PARD3B: variants seen among roughly 807,000 people sequenced by gnomAD.
The protein encoded by PARD3B is par-3 family cell polarity regulator beta, also known as partitioning defective 3 homolog B.
A neutral mutation model predicts 130.2 loss-of-function variants in PARD3B; 103 were observed. That is an observed-to-expected ratio of 0.79 (90% confidence interval 0.67 to 0.93). The LOEUF (loss-of-function observed/expected upper bound fraction) is 0.93, where lower values mean the gene tolerates loss of function less well. Among genes scored for constraint, PARD3B ranks in the 40% least tolerant of loss-of-function variants. PARD3B has a pLI of 0.00. For missense variants in PARD3B, 1,609 were observed against 1,499.2 expected, an observed-to-expected ratio of 1.07 and a Z score of -1.21; for synonymous variants, 583 against 553.2, an observed-to-expected ratio of 1.05 and a Z score of -0.76.
chr2:205,123,777 A>G (rs1279463842), intron 8 of PARD3B, among the ~76,000 whole-genome samples: 3 of 151,998 alleles, frequency 2.0e-5, no homozygotes, highest in Non-Finnish European at 4.4e-5. Context: ...AGGATCCTTC[A>G]GGGTAGAGAA....
chr2:205,244,154 AG>A lies in PARD3B; in HGVS notation c.2141-1623del, dbSNP rs561906028. On this transcript the variant is annotated intron_variant, in intron 15 of 22. Coordinates refer to ENST00000406610, the MANE Select transcript of PARD3B (RefSeq NM_001302769.2). The surrounding 1 kb of genome is among the most constrained non-coding windows in gnomAD (Gnocchi z 4.7). ...TATCTAGAAAATAAAGAAATAGCTTAGAAAAGGAGGGCTAGGTGGGAGTGGG... is the reference window on the plus strand; with the variant it reads ...TATCTAGAAAATAAAGAAATAGCTTAAAAAGGAGGGCTAGGTGGGAGTGGG... 4.6e-4 allele frequency among the ~76,000 whole-genome samples: 70 copies of A among 152,354 alleles called. No individual in the cohort carries two copies. The highest frequency in any genetic ancestry group is 7.6e-4 in the Non-Finnish European group (52 of 68,020).
intron 2 of PARD3B, among the ~76,000 whole-genome samples, chr2:204,785,626 T>C (rs988664973): frequency 6.6e-6 from 1 of 152,256 alleles, no homozygotes; most frequent in Non-Finnish European, 1.5e-5. Context: ...CTAGTCCCCT[T>C]ATCTAGGCCA....
At chr2:205,484,967 CCTT>C (rs940225306) in intron 20 of PARD3B, among the ~76,000 whole-genome samples, 2 of 152,130 alleles carry the variant, frequency 1.3e-5, no homozygotes, top group African/African-American at 4.8e-5. Flanking sequence ...GCCTAATTTT[CCTT>C]CTTCTTTGAT....
chr2:204,775,810 A>G (rs1053038243), intron 2 of PARD3B, among the ~76,000 whole-genome samples: 2 of 151,798 alleles, frequency 1.3e-5, no homozygotes, highest in Non-Finnish European at 2.9e-5. Flanking sequence ...GCTCCCTGTC[A>G]TCTGAGGAGA....
chr2:205,403,950 C>T (rs2046335592), intron 19 of PARD3B, among the ~76,000 whole-genome samples: 1 of 41,730 alleles, frequency 2.4e-5, no homozygotes, highest in Non-Finnish European at 1.5e-4. Context: ...CCAGTGCTCA[C>T]TCAATTAAGG....
intron 20 of PARD3B, among the ~76,000 whole-genome samples, chr2:205,472,445 G>A (rs1039271563): frequency 6.6e-6 from 1 of 151,622 alleles, no homozygotes; most frequent in African/African-American, 2.4e-5. Context: ...GAGTACATAG[G>A]GGCCATCATA....
chr2:205,194,950 A>ATTTTTTTTTTTTTTTTT (rs56836818), intron 15 of PARD3B, among the ~76,000 whole-genome samples: 1 of 111,224 alleles, frequency 9.0e-6, no homozygotes. Flanking sequence ...CGCCAGGCTA[A>ATTTTTTTTTTTTTTTTT]TTTTTTTTTT....
At chr2:205,248,283 G>A (rs1170920784) in intron 16 of PARD3B, among the ~76,000 whole-genome samples, 1 of 151,268 alleles carries the variant, frequency 6.6e-6, no homozygotes, top group Admixed American at 6.6e-5. Context: ...TGGAAAATTA[G>A]TCTTGAATTA....
At chr2:205,025,848 G>A (rs777449422) in intron 3 of PARD3B, among the ~76,000 whole-genome samples, 2 of 152,124 alleles carry the variant, frequency 1.3e-5, no homozygotes, top group Admixed American at 1.3e-4. Flanking sequence ...GACCTAATAA[G>A]TTGAGTCAGC....
intron 2 of PARD3B, among the ~76,000 whole-genome samples, chr2:204,902,340 C>T (rs1375773860): frequency 1.3e-5 from 2 of 151,954 alleles, no homozygotes; most frequent in African/African-American, 2.4e-5. Flanking sequence ...TGAGTGTGAT[C>T]GCTTCTGAAT....
intron 2 of PARD3B, among the ~76,000 whole-genome samples, chr2:204,870,932 T>A (rs1354030963): frequency 6.6e-6 from 1 of 152,206 alleles, no homozygotes; most frequent in East Asian, 1.9e-4. Context: ...TATTAAGACA[T>A]TTTAAATTGT....
chr2:204,586,168 G>C (rs2125087884), intron 1 of PARD3B, among the ~76,000 whole-genome samples: 1 of 152,170 alleles, frequency 6.6e-6, no homozygotes, highest in South Asian at 2.1e-4. Context: ...AATAAATATG[G>C]TACCATATTT....
At position 205,146,664 on chromosome 2, in the gene PARD3B, G is replaced by A. The variant is rs185152527; in HGVS notation, c.1435-12058G>A. The stretch of plus-strand genomic sequence containing the variant: ...AGACTCCGCCTCAAAAAAAAAAATT[G>A]TTACATCATATTGTTTGTTCCTGAA... On this transcript the variant is annotated intron_variant, in intron 10 of 22. Transcript: ENST00000406610. This position sits in a 1 kb window ranked among gnomAD's most constrained non-coding sequence, Gnocchi z 4.3. Among the ~76,000 whole-genome samples the A allele has an allele frequency of 6.6e-6, 1 of 151,986 alleles. No individual in the cohort carries two copies. The highest frequency in any genetic ancestry group is 2.1e-4 in the South Asian group (1 of 4,802).
chr2:204,784,200 C>T (rs2041932113), intron 2 of PARD3B, among the ~76,000 whole-genome samples: 1 of 152,132 alleles, frequency 6.6e-6, no homozygotes, highest in Non-Finnish European at 1.5e-5. Context: ...GGAAGGCTTA[C>T]CTTTTGCTTT....
chr2:204,818,114 A>C (rs1460115517), intron 2 of PARD3B, among the ~76,000 whole-genome samples: 2 of 152,174 alleles, frequency 1.3e-5, no homozygotes, highest in Admixed American at 6.5e-5. Flanking sequence ...CACCAGACAG[A>C]CAGACATCTG....
intron 2 of PARD3B, among the ~76,000 whole-genome samples, chr2:204,878,836 T>G (rs1295841313): frequency 6.6e-6 from 1 of 152,218 alleles, no homozygotes; most frequent in Non-Finnish European, 1.5e-5. Flanking sequence ...TATGTGATTA[T>G]TAGTGATGTC....
At chr2:205,425,864 C>A (rs1212443312) in intron 19 of PARD3B, among the ~76,000 whole-genome samples, 1 of 152,078 alleles carries the variant, frequency 6.6e-6, no homozygotes, top group Non-Finnish European at 1.5e-5. Flanking sequence ...ATTCTGCAAA[C>A]CATGAAGAAT....
chr2:205,556,292 T>G (rs1019843901), intron 22 of PARD3B, among the ~76,000 whole-genome samples: 1 of 152,222 alleles, frequency 6.6e-6, no homozygotes, highest in Non-Finnish European at 1.5e-5. Flanking sequence ...TGTGCAATGC[T>G]TCACAGTAGT....
rs1267227353 is a variant in PARD3B, at chr2:205,105,241, C to T, written c.593+727C>T. ...AGTATGGGTATTAAATGAGTTAATA[C>T]ATGTAGACCATTTTGCACAGTGTTG... On this transcript the variant is annotated intron_variant, in intron 5 of 22. Transcript: ENST00000406610. This position sits in a 1 kb window ranked among gnomAD's most constrained non-coding sequence, Gnocchi z 4.0. 6.6e-6 allele frequency among the ~76,000 whole-genome samples: 1 copy of T among 152,152 alleles called. No individual in the cohort carries two copies. Among genetic ancestry groups the T allele is most frequent in the African/African-American group, 2.4e-5 (1 of 41,438 alleles).
Sources: gnomAD v4.1 joint callset for allele counts (sites outside exome capture counted in the v4.1 genomes callset) on GRCh38, gnomAD v4.1.1 for gene constraint, Gnocchi (gnomAD v3.1) non-coding constraint, MANE v1.5 for transcripts, NCBI Gene and HGNC (gene_info 2026-07-23, HGNC 2026-07-21) for gene names.